PKDREJ: variants seen among roughly 807,000 people sequenced by gnomAD.
The protein encoded by PKDREJ is PKD and REJ homolog.
For synonymous variants in PKDREJ, 1,031 were observed against 1,095.5 expected, an observed-to-expected ratio of 0.94 and a Z score of 1.16; for missense variants, 2,507 against 2,807.2, an observed-to-expected ratio of 0.89 and a Z score of 2.42.
In PKDREJ at chr22:46,258,018, A is replaced by G. The variant is rs1936652067; in HGVS notation, c.5305T>C (p.Leu1769=). Residue 1769 remains leucine, a synonymous_variant, in exon 1 of 1, where the codon TTG becomes CTG. Coordinates refer to ENST00000253255, the MANE Select transcript of PKDREJ (RefSeq NM_006071.2). The surrounding 1 kb of genome is among the most constrained non-coding windows in gnomAD (Gnocchi z 6.1). ...DIYRWLNSVL[L]PLLHNDLNPT... is the part of the protein sequence containing the mutation. ...TTCAGGTCATTGTGTAACAAAGGCA[A>G]CAGCACGCTGTTTAGCCATCTATAG... 1 of 1,614,098 alleles carries G rather than the reference A, an allele frequency of 6.2e-7. No individual in the cohort carries two copies. The highest frequency in any genetic ancestry group is 1.7e-5 in the Admixed American group (1 of 60,032).
chr22:46,262,490 T>C lies in PKDREJ; in HGVS notation c.833A>G (p.Asp278Gly). ...GTTCCTGATCTCGAGCTGGGGCAGATCCAAGGGCTGCGTCCAGTCGGGCGC... is the reference window on the plus strand; with the variant it reads ...GTTCCTGATCTCGAGCTGGGGCAGACCCAAGGGCTGCGTCCAGTCGGGCGC... ...GQAPDWTQPL[D>G]LPQLEIRNSP... Residue 278 changes from aspartate (D) to glycine (G), a missense_variant, in exon 1 of 1, where the codon GAT becomes GGT. Coordinates refer to ENST00000253255, the MANE Select transcript of PKDREJ (RefSeq NM_006071.2). This position sits in a 1 kb window ranked among gnomAD's most constrained non-coding sequence, Gnocchi z 8.1. 1.3e-6 allele frequency: 2 copies of C among 1,592,426 alleles called. No homozygotes were observed. Among genetic ancestry groups the C allele is most frequent in the South Asian group, 2.3e-5 (2 of 87,182 alleles).
In PKDREJ at chr22:46,258,560, G is replaced by A. The variant is rs1431628482; in HGVS notation, c.4763C>T (p.Ser1588Phe). Residue 1588 changes from serine to phenylalanine, a missense_variant, in exon 1 of 1, where the codon TCT becomes TTT. Coordinates refer to ENST00000253255, the MANE Select transcript of PKDREJ (RefSeq NM_006071.2). This position sits in a 1 kb window ranked among gnomAD's most constrained non-coding sequence, Gnocchi z 6.1. ...TACAATGAAGAATGAGGATATGCTA[G>A]AAGTAGCAAAAACCAAAAACCATGC... is the stretch of plus-strand genomic sequence containing the variant. ...YVAWFLVFAT[S>F]SISSFFIVFY... The A allele has an allele frequency of 6.2e-7, 1 of 1,614,196 alleles. No individual in the cohort carries two copies. Among genetic ancestry groups the A allele is most frequent in the South Asian group, 1.1e-5 (1 of 91,082 alleles).
rs144934577 is a variant in PKDREJ, at chr22:46,260,825, A to G, written c.2498T>C (p.Val833Ala). 1 of 1,613,752 alleles carries G rather than the reference A, an allele frequency of 6.2e-7. No individual in the cohort carries two copies. The highest frequency in any genetic ancestry group is 8.5e-7 in the Non-Finnish European group (1 of 1,179,650). ...PHQVVKDPFY[V>A]IESLSDTILA... is the part of the protein sequence containing the mutation. ...TATTGTGTCTGATAGAGATTCTATT[A>G]CATAGAAAGGATCTTTAACTACTTG... Residue 833 changes from valine to alanine, a missense_variant, in exon 1 of 1, where the codon GTA becomes GCA. Val to Ala is a moderately conservative substitution (Grantham distance 64, BLOSUM62 0). Coordinates refer to ENST00000253255, the MANE Select transcript of PKDREJ (RefSeq NM_006071.2). The surrounding 1 kb of genome is among the most constrained non-coding windows in gnomAD (Gnocchi z 4.5).
chr22:46,262,652 G>A lies in PKDREJ; in HGVS notation c.671C>T (p.Thr224Met), dbSNP rs1239327319. Reference sequence around the variant, plus strand: ...GCGCACGGGGGCGCCCTTCTGGTCCGTGTTGATCCTCACGCGCTGGATGAC... The same window carrying A: ...GCGCACGGGGGCGCCCTTCTGGTCCATGTTGATCCTCACGCGCTGGATGAC... ...ACVIQRVRIN[T>M]DQKGAPVRLS... Residue 224 changes from threonine (T) to methionine (M), a missense_variant, in exon 1 of 1, where the codon ACG becomes ATG. Transcript: ENST00000253255. The surrounding 1 kb of genome is among the most constrained non-coding windows in gnomAD (Gnocchi z 8.1). 7 of 1,613,026 alleles carry A rather than the reference G, an allele frequency of 4.3e-6. No homozygotes were observed. Among genetic ancestry groups the A allele is most frequent in the South Asian group, 1.1e-5 (1 of 91,060 alleles).
chr22:46,263,009 G>A lies in PKDREJ; in HGVS notation c.314C>T (p.Pro105Leu). 2 of 1,264,224 alleles carry A rather than the reference G, an allele frequency of 1.6e-6. No individual in the cohort carries two copies. The highest frequency in any genetic ancestry group is 3.7e-5 in the Admixed American group (1 of 26,924). The allele number at this position is 1,264,224 out of a possible 1,614,324, so 78.3% of individuals were successfully genotyped here. A position where few individuals can be genotyped will look rare whatever the true frequency, so the allele number is the denominator to read the frequency against. Residue 105 changes from proline (P) to leucine (L), a missense_variant, in exon 1 of 1, where the codon CCG (proline) becomes CTG (leucine). Pro to Leu is a moderately conservative substitution (Grantham distance 98, BLOSUM62 -3). Transcript: ENST00000253255. The surrounding 1 kb of genome is among the most constrained non-coding windows in gnomAD (Gnocchi z 9.4). ...GACGAGCGCGAGCGCGGGCGCGGCC[G>A]GCCAGGGCAGGCGTTGGGCGCTGAG... The part of the protein sequence containing the change: ...VLLSAQRLPW[P>L]AAPALALVDL...
rs1004876047 is a variant in PKDREJ, at chr22:46,261,293, T to C, written c.2030A>G (p.Lys677Arg). 1 of 1,613,948 alleles carries C rather than the reference T, an allele frequency of 6.2e-7. No homozygotes were observed. Among genetic ancestry groups the C allele is most frequent in the African/African-American group, 1.3e-5 (1 of 74,914 alleles). The change falls in exon 1 of 1, where the codon AAG (lysine) becomes AGG (arginine). Residue 677 changes from lysine (K) to arginine (R), a missense_variant. Transcript: ENST00000253255. This position sits in a 1 kb window ranked among gnomAD's most constrained non-coding sequence, Gnocchi z 7.1. ...ACTGAGTAACTGATTCAACACTGTC[T>C]TTGATGAATTTTTGTCAGTGGGAGC... Reference protein sequence around the residue: ...AQAPTDKNSSKTVLNQLLSFT... With the variant: ...AQAPTDKNSSRTVLNQLLSFT...
rs1296354416 is a variant in PKDREJ at position 46,261,233 on chromosome 22, A to G, written c.2090T>C (p.Leu697Ser). ...AGGTAAAAAATCCTTCTTTTGAATC[A>G]AAGTAGACAGCAATGAACTTGGTCC... ...TVGPSSLLST[L>S]IQKKDFLPAG... Residue 697 changes from leucine (L) to serine (S), a missense_variant, in exon 1 of 1, where the codon TTG (leucine) becomes TCG (serine). Leu to Ser is a moderately radical substitution (Grantham distance 145). Transcript: ENST00000253255. This position sits in a 1 kb window ranked among gnomAD's most constrained non-coding sequence, Gnocchi z 7.1. 1.2e-6 allele frequency: 2 copies of G among 1,614,036 alleles called. No individual in the cohort carries two copies. Among genetic ancestry groups the G allele is most frequent in the Non-Finnish European group, 1.7e-6 (2 of 1,179,984 alleles).
Position 46,261,302 on chromosome 22 carries a change from T to G in PKDREJ, c.2021A>C (p.Asn674Thr), listed in dbSNP as rs759944589. The G allele has an allele frequency of 6.2e-7, 1 of 1,614,006 alleles. No individual in the cohort carries two copies. The highest frequency in any genetic ancestry group is 8.5e-7 in the Non-Finnish European group (1 of 1,180,026). Residue 674 changes from asparagine to threonine, a missense_variant, in exon 1 of 1, where the codon AAT becomes ACT. Asn to Thr is a moderately conservative substitution (Grantham distance 65). Transcript: ENST00000253255. This position sits in a 1 kb window ranked among gnomAD's most constrained non-coding sequence, Gnocchi z 7.1. ...HATAQAPTDK[N>T]SSKTVLNQLL... ...CTGATTCAACACTGTCTTTGATGAA[T>G]TTTTGTCAGTGGGAGCCTGTGCGGT...
In PKDREJ at chr22:46,262,505, C is replaced by A. The variant is rs772626741; in HGVS notation, c.818G>T (p.Trp273Leu). ...SVPAVGQAPD[W>L]TQPLDLPQLE... ...CTGGGGCAGATCCAAGGGCTGCGTCCAGTCGGGCGCCTGACCCACGGCGGG... is the reference window on the plus strand; with the variant it reads ...CTGGGGCAGATCCAAGGGCTGCGTCAAGTCGGGCGCCTGACCCACGGCGGG... The change falls in exon 1 of 1, where the codon TGG (tryptophan) becomes TTG (leucine). Residue 273 changes from tryptophan (W) to leucine (L), a missense_variant. By Grantham distance (61) the Trp-to-Leu change is moderately conservative. Transcript: ENST00000253255. This position sits in a 1 kb window ranked among gnomAD's most constrained non-coding sequence, Gnocchi z 8.1. 8.2e-6 allele frequency: 13 copies of A among 1,587,822 alleles called. No individual in the cohort carries two copies. Among genetic ancestry groups the A allele is most frequent in the Non-Finnish European group, 1.0e-5 (12 of 1,166,442 alleles).
chr22:46,256,431 T>C lies in PKDREJ; in HGVS notation c.*130A>G. The C allele has an allele frequency of 6.9e-7, 1 of 1,451,744 alleles. No individual in the cohort carries two copies. The highest frequency in any genetic ancestry group is 9.2e-7 in the Non-Finnish European group (1 of 1,090,174). 89.9% of individuals were successfully genotyped at this position (1,451,744 alleles called of 1,614,324 possible). ...ACAAGATTGGGGATTCTTCCAAATG[T>C]AGGGGATGTGCCTTGTGAAGGACAT... On this transcript the variant is annotated 3_prime_UTR_variant, in exon 1 of 1. Coordinates refer to ENST00000253255, the MANE Select transcript of PKDREJ (RefSeq NM_006071.2). This position sits in a 1 kb window ranked among gnomAD's most constrained non-coding sequence, Gnocchi z 5.3.
Position 46,261,893 on chromosome 22 carries a change from G to A in PKDREJ, c.1430C>T (p.Ser477Phe), listed in dbSNP as rs1936700653. ...ACAATTTGTGCAATTTAGGAACAAA[G>A]AAAATCTATCAGAGACAATGAAGTT... Reference protein sequence around the residue: ...ERNFIVSDRFSLFLNCTNCAS... With the variant: ...ERNFIVSDRFFLFLNCTNCAS... Residue 477 changes from serine (S) to phenylalanine (F), a missense_variant, in exon 1 of 1, where the codon TCT (serine) becomes TTT (phenylalanine). Ser to Phe is a radical substitution (Grantham distance 155). Transcript: ENST00000253255. This position sits in a 1 kb window ranked among gnomAD's most constrained non-coding sequence, Gnocchi z 7.1. The A allele has an allele frequency of 1.2e-6, 2 of 1,613,930 alleles. No homozygotes were observed. Among genetic ancestry groups the A allele is most frequent in the East Asian group, 4.5e-5 (2 of 44,876 alleles).
chr22:46,263,219 G>T lies in PKDREJ; in HGVS notation c.104C>A (p.Ser35Tyr). 1.4e-6 allele frequency: 2 copies of T among 1,441,264 alleles called. No individual in the cohort carries two copies. Among genetic ancestry groups the T allele is most frequent in the Non-Finnish European group, 1.8e-6 (2 of 1,103,352 alleles). 89.3% of individuals were successfully genotyped at this position (1,441,264 alleles called of 1,614,324 possible). ...CCTGAGGAGGCCACCGGGCGCCCCG[G>T]AGACGGCGGCTTGTGCCCCGCGAGG... ...PVPRGAQAAV[S>Y]GAPGGLLRGA... The change falls in exon 1 of 1, where the codon TCC becomes TAC. Residue 35 changes from serine (S) to tyrosine (Y), a missense_variant. Transcript: ENST00000253255. This position sits in a 1 kb window ranked among gnomAD's most constrained non-coding sequence, Gnocchi z 9.4.
rs1432805696 is a variant in PKDREJ, at chr22:46,262,205, A to G, written c.1118T>C (p.Leu373Pro). ...TGTGGTACAGTACCAAAAGAACTGG[A>G]GTCCCTGTAACGGGCTGTCCGCATC... ...DPDADSPLQG[L>P]QFFWYCTTDP... is the part of the protein sequence containing the mutation. The change falls in exon 1 of 1, where the codon CTC (leucine) becomes CCC (proline). Residue 373 changes from leucine to proline, a missense_variant. By Grantham distance (98) the Leu-to-Pro change is moderately conservative (BLOSUM62 -3). Coordinates refer to ENST00000253255, the MANE Select transcript of PKDREJ (RefSeq NM_006071.2). This position sits in a 1 kb window ranked among gnomAD's most constrained non-coding sequence, Gnocchi z 8.1. The G allele has an allele frequency of 3.7e-6, 6 of 1,614,092 alleles. 1 individual carries two copies. The Admixed American group carries it at 8.3e-5, about 22-fold the overall frequency.
Position 46,263,186 on chromosome 22 carries a change from G to A in PKDREJ, c.137C>T (p.Pro46Leu). The A allele has an allele frequency of 7.7e-7, 1 of 1,302,044 alleles. No homozygotes were observed. The highest frequency in any genetic ancestry group is 2.0e-5 in the South Asian group (1 of 50,380). The allele number at this position is 1,302,044 out of a possible 1,614,324, so 80.7% of individuals were successfully genotyped here. A position where few individuals can be genotyped will look rare whatever the true frequency, so the allele number is the denominator to read the frequency against. The change falls in exon 1 of 1, where the codon CCG (proline) becomes CTG (leucine). Residue 46 changes from proline to leucine, a missense_variant. By Grantham distance (98) the Pro-to-Leu change is moderately conservative. Transcript: ENST00000253255. The surrounding 1 kb of genome is among the most constrained non-coding windows in gnomAD (Gnocchi z 9.4). Reference sequence around the variant, plus strand: ...GCGGCCGCCGCGCACCCCGAGGCCCGGGGCGCCCCTGAGGAGGCCACCGGG... The same window carrying A: ...GCGGCCGCCGCGCACCCCGAGGCCCAGGGCGCCCCTGAGGAGGCCACCGGG... ...GAPGGLLRGA[P>L]GLGVRGGRAL... is the part of the protein sequence containing the mutation.
Position 46,258,663 on chromosome 22 carries a change from G to C in PKDREJ, c.4660C>G (p.Gln1554Glu). 8.1e-6 allele frequency: 13 copies of C among 1,614,212 alleles called. No individual in the cohort carries two copies. The highest frequency in any genetic ancestry group is 1.0e-5 in the Non-Finnish European group (12 of 1,180,042). ...IEDDQDVHSEQHPSQKDLQQL... is the reference protein window; with the variant it reads ...IEDDQDVHSEEHPSQKDLQQL... ...TGGAGATCCTTTTGGGAAGGGTGCT[G>C]TTCGGAATGGACATCCTGATCATCT... The change falls in exon 1 of 1, where the codon CAG (glutamine) becomes GAG (glutamate). Residue 1554 changes from glutamine to glutamate, a missense_variant. By Grantham distance (29) the Gln-to-Glu change is conservative (BLOSUM62 2). Transcript: ENST00000253255. The surrounding 1 kb of genome is among the most constrained non-coding windows in gnomAD (Gnocchi z 6.1).
chr22:46,262,415 T>C lies in PKDREJ; in HGVS notation c.908A>G (p.Tyr303Cys). 1 of 1,613,190 alleles carries C rather than the reference T, an allele frequency of 6.2e-7. No homozygotes were observed. Among genetic ancestry groups the C allele is most frequent in the Non-Finnish European group, 8.5e-7 (1 of 1,179,422 alleles). ...IPNNSLQWGV[Y>C]VFNFTVSITT... ...GATGGACACCGTGAAATTAAACACA[T>C]ACACTCCCCACTGTAACGAATTATT... Residue 303 changes from tyrosine to cysteine, a missense_variant, in exon 1 of 1, where the codon TAT becomes TGT. By Grantham distance (194) the Tyr-to-Cys change is radical. Coordinates refer to ENST00000253255, the MANE Select transcript of PKDREJ (RefSeq NM_006071.2). This position sits in a 1 kb window ranked among gnomAD's most constrained non-coding sequence, Gnocchi z 8.1.
In PKDREJ at chr22:46,261,128, T is replaced by C. The variant is rs1357286595; in HGVS notation, c.2195A>G (p.Asn732Ser). The C allele has an allele frequency of 6.2e-7, 1 of 1,614,072 alleles. No homozygotes were observed. The highest frequency in any genetic ancestry group is 8.5e-7 in the Non-Finnish European group (1 of 1,180,022). Reference sequence around the variant, plus strand: ...CTGATCGATGAGGTGTTTTCGGAGATTGACTCTGTCATCTCGGAGAGGTAA... The same window carrying C: ...CTGATCGATGAGGTGTTTTCGGAGACTGACTCTGTCATCTCGGAGAGGTAA... The part of the protein sequence containing the change: ...TELPLRDDRV[N>S]LRKHLIDQSF... Residue 732 changes from asparagine (N) to serine (S), a missense_variant, in exon 1 of 1, where the codon AAT becomes AGT. Asn to Ser is a conservative substitution (Grantham distance 46). Coordinates refer to ENST00000253255, the MANE Select transcript of PKDREJ (RefSeq NM_006071.2). This position sits in a 1 kb window ranked among gnomAD's most constrained non-coding sequence, Gnocchi z 7.1.
At position 46,260,714 on chromosome 22, in the gene PKDREJ, C is replaced by T. The variant is rs771540589; in HGVS notation, c.2609G>A (p.Gly870Asp). 4.3e-6 allele frequency: 7 copies of T among 1,613,948 alleles called. No individual in the cohort carries two copies. The African/African-American group carries it at 9.3e-5, about 22-fold the overall frequency. ...NMYVKKVEKWGINQLFRNEKH... is the reference protein window; with the variant it reads ...NMYVKKVEKWDINQLFRNEKH... ...CTCATTTCTGAAGAGCTGGTTGATA[C>T]CCCACTTTTCAACTTTCTTGACATA... Residue 870 changes from glycine to aspartate, a missense_variant, in exon 1 of 1, where the codon GGT becomes GAT. Physicochemically the swap from Gly to Asp is moderately conservative, Grantham distance 94. Transcript: ENST00000253255. The surrounding 1 kb of genome is among the most constrained non-coding windows in gnomAD (Gnocchi z 4.5).
Position 46,259,069 on chromosome 22 carries a change from T to C in PKDREJ, c.4254A>G (p.Ser1418=), listed in dbSNP as rs774631673. Residue 1418 remains serine (S), a synonymous_variant, in exon 1 of 1, where the codon TCA becomes TCG. Transcript: ENST00000253255. The surrounding 1 kb of genome is among the most constrained non-coding windows in gnomAD (Gnocchi z 6.8). ...FNLNRQEQTE[S]RERKYMRSMM... ...TTGATCTCATGTATTTCCTCTCTCT[T>C]GACTCAGTTTGTTCTTGTCTATTTA... 9 of 1,613,624 alleles carry C rather than the reference T, an allele frequency of 5.6e-6. No homozygotes were observed. The Admixed American group carries it at 1.2e-4, about 21-fold the overall frequency.
Sources: allele counts gnomAD v4.1 joint callset, GRCh38; gene constraint gnomAD v4.1.1; non-coding constraint Gnocchi (gnomAD v3.1); transcripts MANE v1.5; gene names NCBI Gene and HGNC (gene_info 2026-07-23, HGNC 2026-07-21).